The following SPTA1 variants were observed in gnomAD, a reference collection of about 807,000 sequenced individuals.
SPTA1 encodes the protein spectrin alpha chain, erythrocytic 1.
In SPTA1, 177 loss-of-function variants were observed where a neutral mutation model predicts 324.7. The ratio of observed to expected loss-of-function variants is 0.55; its 90% confidence interval spans 0.48 to 0.62. SPTA1 has a LOEUF of 0.62. SPTA1 is among the 20% of genes least tolerant of loss of function. The pLI is 0.00. For missense variants in SPTA1, 3,162 were observed against 2,883.6 expected (o/e 1.10, Z -2.21); for synonymous variants, 1,195 against 1,041.3 (o/e 1.15, Z -2.84).
chr1:158,655,790 A>C (rs1166979054), intron 20 of SPTA1, among the ~76,000 whole-genome samples: 3 of 152,156 alleles, frequency 2.0e-5, no homozygotes, highest in Non-Finnish European at 2.9e-5. Context: ...CATGACACCC[A>C]GTTTTGCCCT....
intron 43 of SPTA1, chr1:158,622,639 T>C (rs1649988662): frequency 6.9e-6 from 2 of 291,712 alleles, no homozygotes; most frequent in South Asian, 6.8e-5. Context: ...CAGTGCTCCT[T>C]TTATTTGGGT....
intron 39 of SPTA1, among the ~76,000 whole-genome samples, chr1:158,630,300 T>C (rs962061172): frequency 6.6e-6 from 1 of 151,986 alleles, no homozygotes; most frequent in African/African-American, 2.4e-5. Flanking sequence ...AAAACAGACA[T>C]AGATGAATGA....
At chr1:158,677,398 G>A (rs543588949) in intron 7 of SPTA1, among the ~76,000 whole-genome samples, 151 of 152,250 alleles carry the variant, frequency 9.9e-4, no homozygotes, top group African/African-American at 3.5e-3. Context: ...AATCAACCTT[G>A]AAGGTATATT....
rs199930162 is a variant in SPTA1, at chr1:158,674,337, G to A, written c.1342C>T (p.Arg448Trp). 88 of 1,613,872 alleles carry A rather than the reference G, an allele frequency of 5.5e-5. No individual in the cohort carries two copies. In the Admixed American group the frequency reaches 9.2e-4, roughly 17 times the overall value. ...NANHEASDEVREKMEILDNNW... is the reference protein window; with the variant it reads ...NANHEASDEVWEKMEILDNNW... Reference sequence around the variant, plus strand: ...CTGTTAAACTAGATTACCTTTTCCCGAACTTCATCAGAGGCTTCATGATTG... The same window carrying A: ...CTGTTAAACTAGATTACCTTTTCCCAAACTTCATCAGAGGCTTCATGATTG... The change falls in exon 10 of 52, where the codon CGG becomes TGG. Residue 448 changes from arginine to tryptophan, a missense_variant. By Grantham distance (101) the Arg-to-Trp change is moderately radical. Transcript: ENST00000643759.
chr1:158,642,826 G>T lies in SPTA1; in HGVS notation c.4593C>A (p.Ala1531=), dbSNP rs1478748426. The change falls in exon 32 of 52, where the codon GCC becomes GCA. Residue 1531 remains alanine, a synonymous_variant. Transcript: ENST00000643759. ...PTACDESYKD[A]TNIQRKYLKH... Reference sequence around the variant, plus strand: ...ATTTTGAACTTGCCTGAATGTTAGTGGCGTCTTTGTAGGATTCATCACAGG... The same window carrying T: ...ATTTTGAACTTGCCTGAATGTTAGTTGCGTCTTTGTAGGATTCATCACAGG... 6.2e-7 allele frequency: 1 copy of T among 1,613,774 alleles called. No homozygotes were observed. Among genetic ancestry groups the T allele is most frequent in the Non-Finnish European group, 8.5e-7 (1 of 1,179,848 alleles).
At position 158,666,578 on chromosome 1, in the gene SPTA1, A is replaced by G. The variant is rs1238254364; in HGVS notation, c.2039-81T>C. 11 of 1,218,510 alleles carry G rather than the reference A, an allele frequency of 9.0e-6. No homozygotes were observed. In the South Asian group the frequency reaches 1.1e-4, roughly 13 times the overall value. 75.5% of individuals were successfully genotyped at this position (1,218,510 alleles called of 1,614,324 possible). ...CTATAATATACCTTCCTCCAATTGAAGGATCAATATAGTATTTTAATATTG... is the reference window on the plus strand; with the variant it reads ...CTATAATATACCTTCCTCCAATTGAGGGATCAATATAGTATTTTAATATTG... On this transcript the variant is annotated intron_variant, in intron 15 of 51. Coordinates refer to ENST00000643759, the MANE Select transcript of SPTA1 (RefSeq NM_003126.4).
intron 43 of SPTA1, among the ~76,000 whole-genome samples, chr1:158,622,375 A>G (rs1292893237): frequency 6.6e-6 from 1 of 152,042 alleles, no homozygotes; most frequent in Non-Finnish European, 1.5e-5. Flanking sequence ...ACATATAATT[A>G]TGTATTATTA....
intron 27 of SPTA1, among the ~76,000 whole-genome samples, chr1:158,647,086 T>A (rs146956592): frequency 6.6e-6 from 1 of 152,234 alleles, no homozygotes; most frequent in East Asian, 1.9e-4. Context: ...TCAGTCTACA[T>A]GAATTGTTTT....
At position 158,666,517 on chromosome 1, in the gene SPTA1, A is replaced by T; in HGVS notation, c.2039-20T>A. On this transcript the variant is annotated intron_variant, in intron 15 of 51. Coordinates refer to ENST00000643759, the MANE Select transcript of SPTA1 (RefSeq NM_003126.4). ...GGGTCCCTGGGAGAAGACATAAGGT[A>T]GAAGACATTAGGTACCATAACTATT... The T allele has an allele frequency of 1.2e-6, 2 of 1,600,126 alleles. No homozygotes were observed. The highest frequency in any genetic ancestry group is 1.7e-5 in the Admixed American group (1 of 59,962).
intron 18 of SPTA1, among the ~76,000 whole-genome samples, chr1:158,660,769 A>ACC (rs1373938270): frequency 1.3e-5 from 2 of 152,218 alleles, no homozygotes; most frequent in Non-Finnish European, 2.9e-5. Context: ...TACCTGGCTT[A>ACC]TGATGTTCAA....
intron 43 of SPTA1, among the ~76,000 whole-genome samples, chr1:158,622,073 C>A (rs947589884): frequency 6.6e-6 from 1 of 152,150 alleles, no homozygotes; most frequent in Non-Finnish European, 1.5e-5. Flanking sequence ...ACCGTGTTAG[C>A]CAGGATGATC....
chr1:158,651,269 T>C lies in SPTA1; in HGVS notation c.3477+98A>G, dbSNP rs1356944544. 7.3e-6 allele frequency: 6 copies of C among 822,342 alleles called. No individual in the cohort carries two copies. The East Asian group carries it at 1.5e-4, about 20-fold the overall frequency. The allele number at this position is 822,342 out of a possible 1,614,324, so 50.9% of individuals were successfully genotyped here. On this transcript the variant is annotated intron_variant, in intron 24 of 51. Coordinates refer to ENST00000643759, the MANE Select transcript of SPTA1 (RefSeq NM_003126.4). ...TACTGCTGTTACCTTCTGCATGTTC[T>C]AGTGGGTCTGCAGAATATAAAGTTC...
intron 27 of SPTA1, 105 bp downstream of exon 27, chr1:158,647,434 C>T (rs111431388): frequency 2.3e-5 from 32 of 1,415,790 alleles, no homozygotes; most frequent in Middle Eastern, 2.5e-4. Flanking sequence ...GAGACTTAAA[C>T]GTAGTGATGC....
At chr1:158,632,587 C>T (rs112323841) in intron 39 of SPTA1, among the ~76,000 whole-genome samples, 9 of 152,180 alleles carry the variant, frequency 5.9e-5, no homozygotes, top group African/African-American at 1.9e-4. Context: ...TAAGGAAATG[C>T]ACATATGAGC....
intron 17 of SPTA1, 76 bp downstream of exon 17, chr1:158,662,626 A>G: frequency 1.2e-6 from 2 of 1,602,078 alleles, no homozygotes; most frequent in Non-Finnish European, 1.7e-6. Flanking sequence ...GACTCCAACT[A>G]CTGTACCCCA....
At chr1:158,630,317 A>G (rs767776345) in intron 39 of SPTA1, among the ~76,000 whole-genome samples, 4 of 152,070 alleles carry the variant, frequency 2.6e-5, no homozygotes, top group Non-Finnish European at 5.9e-5. Flanking sequence ...ATGAAACAGA[A>G]TAGAGAGTCC....
At chr1:158,647,858 T>C (rs905411630) in intron 26 of SPTA1, 138 bp from the exon 27 acceptor site, 36 of 912,954 alleles carry the variant, frequency 3.9e-5, no homozygotes, top group Non-Finnish European at 5.9e-5. Flanking sequence ...CTTTACAAAA[T>C]AATATCAACC....
intron 41 of SPTA1, 116 bp downstream of exon 41, chr1:158,626,723 G>T: frequency 1.6e-6 from 2 of 1,281,722 alleles, no homozygotes; most frequent in Non-Finnish European, 2.3e-6. Flanking sequence ...ATAGGAATGG[G>T]TAGTGATGGA....
intron 44 of SPTA1, among the ~76,000 whole-genome samples, chr1:158,619,797 G>A (rs903351341): frequency 3.9e-5 from 6 of 152,086 alleles, no homozygotes; most frequent in South Asian, 4.1e-4. Flanking sequence ...AAATACATAC[G>A]TAGCAAGGCA....
Sources: allele counts gnomAD v4.1 joint callset (sites outside exome capture counted in the v4.1 genomes callset), GRCh38; gene constraint gnomAD v4.1.1; transcripts MANE v1.5; gene names NCBI Gene and HGNC (gene_info 2026-07-23, HGNC 2026-07-21).